The following PBX3 variants were observed in gnomAD, a reference collection of about 807,000 sequenced individuals.
PBX3 encodes the protein pre-B-cell leukemia transcription factor 3.
In PBX3, 14 loss-of-function variants were observed where a neutral mutation model predicts 48.5. The observed-to-expected ratio is 0.29, with a 90% CI of 0.19 to 0.45. The LOEUF (loss-of-function observed/expected upper bound fraction) is 0.45. Among genes scored for constraint, PBX3 ranks in the 20% least tolerant of loss-of-function variants. The probability of loss-of-function intolerance (pLI) is 1.00; values close to 1 mark genes in which losing one functional copy is unlikely to be tolerated. For missense variants in PBX3, 386 were observed against 546.7 expected, an observed-to-expected ratio of 0.71 and a Z score of 2.93; for synonymous variants, 210 against 200.3, an observed-to-expected ratio of 1.05 and a Z score of -0.41.
chr9:125,905,670 T>C (rs1841053618), intron 2 of PBX3, among the ~76,000 whole-genome samples: 1 of 152,060 alleles, frequency 6.6e-6, no homozygotes, highest in African/African-American at 2.4e-5. Flanking sequence ...AGTACACTTG[T>C]GAAAATTTAT....
chr9:125,796,732 A>G (rs1333546445), intron 2 of PBX3, among the ~76,000 whole-genome samples: 1 of 152,118 alleles, frequency 6.6e-6, no homozygotes. Flanking sequence ...TCTTAATTGT[A>G]TGTAATGCTG....
chr9:125,791,315 C>CTATCTATT (rs912050830), intron 2 of PBX3, among the ~76,000 whole-genome samples: 5 of 150,818 alleles, frequency 3.3e-5, no homozygotes, highest in Non-Finnish European at 7.4e-5. Context: ...ATCTATCTAT[C>CTATCTATT]TATCTATCTA....
At position 125,825,604 on chromosome 9, in the gene PBX3, T is replaced by C. The variant is rs930525577; in HGVS notation, c.274+76981T>C. On this transcript the variant is annotated intron_variant, in intron 2 of 8. Transcript: ENST00000373489. The stretch of plus-strand genomic sequence containing the variant: ...GTAGCCTGTTGTCAACTTCATTGTA[T>C]ACTCATGAACAAATTAGAGTTAAAA... 2.6e-5 allele frequency among the ~76,000 whole-genome samples: 4 copies of C among 152,140 alleles called. No homozygotes were observed. The South Asian group carries it at 8.3e-4, about 31-fold the overall frequency.
intron 2 of PBX3, among the ~76,000 whole-genome samples, chr9:125,874,695 T>A (rs1239361718): frequency 2.0e-5 from 3 of 152,180 alleles, no homozygotes; most frequent in Non-Finnish European, 4.4e-5. Context: ...TTCTAAGTGT[T>A]GGCAAGAATG....
chr9:125,786,028 C>T (rs897497286), intron 2 of PBX3, among the ~76,000 whole-genome samples: 3 of 149,674 alleles, frequency 2.0e-5, no homozygotes, highest in Admixed American at 1.3e-4. Context: ...TGATTCTGAT[C>T]GTTTTCTCTT....
intron 3 of PBX3, among the ~76,000 whole-genome samples, chr9:125,929,087 T>A (rs1375096897): frequency 6.6e-6 from 1 of 152,226 alleles, no homozygotes; most frequent in Non-Finnish European, 1.5e-5. Context: ...CTACCTATTG[T>A]TTAAAGCTCA....
chr9:125,872,634 C>A (rs764646518), intron 2 of PBX3, among the ~76,000 whole-genome samples: 1 of 151,898 alleles, frequency 6.6e-6, no homozygotes, highest in African/African-American at 2.4e-5. Context: ...GTGGCACACA[C>A]CTGTACTCCT....
chr9:125,803,923 CAA>C (rs1324970223), intron 2 of PBX3, among the ~76,000 whole-genome samples: 2 of 152,184 alleles, frequency 1.3e-5, no homozygotes, highest in African/African-American at 4.8e-5. Flanking sequence ...GGTTTGCTAG[CAA>C]AGTCAGTGTA....
intron 2 of PBX3, among the ~76,000 whole-genome samples, chr9:125,891,586 CGTT>C (rs1171555548): frequency 6.6e-6 from 1 of 152,200 alleles, no homozygotes; most frequent in African/African-American, 2.4e-5. Flanking sequence ...TCTCCTACTA[CGTT>C]GCTTGAACTC....
At chr9:125,895,693 G>A (rs1187994534) in intron 2 of PBX3, among the ~76,000 whole-genome samples, 1 of 151,970 alleles carries the variant, frequency 6.6e-6, no homozygotes, top group East Asian at 1.9e-4. Flanking sequence ...CATTAGAGCT[G>A]TACTTATTTG....
At chr9:125,916,127 A>G (rs1257135007) in intron 3 of PBX3, among the ~76,000 whole-genome samples, 200 bp downstream of exon 3, 2 of 152,142 alleles carry the variant, frequency 1.3e-5, no homozygotes, top group Non-Finnish European at 2.9e-5. Context: ...AGCGCTACCT[A>G]TTTTATCCCA....
At chr9:125,941,293 T>C (rs902855284) in intron 5 of PBX3, among the ~76,000 whole-genome samples, 2 of 152,078 alleles carry the variant, frequency 1.3e-5, no homozygotes, top group Non-Finnish European at 2.9e-5. Context: ...TAGTAGGAGA[T>C]GAAGTTAAAG....
chr9:125,841,483 T>G (rs1463287863), intron 2 of PBX3, among the ~76,000 whole-genome samples: 1 of 152,150 alleles, frequency 6.6e-6, no homozygotes, highest in Non-Finnish European at 1.5e-5. Context: ...ATGGCTAGAT[T>G]TTTATGTACG....
chr9:125,867,743 T>C (rs576463511), intron 2 of PBX3, among the ~76,000 whole-genome samples: 21 of 149,884 alleles, frequency 1.4e-4, no homozygotes, highest in Non-Finnish European at 2.9e-4. Flanking sequence ...TTTCTGTCTC[T>C]CTCTCTCTCT....
At chr9:125,795,800 G>A (rs113853822) in intron 2 of PBX3, among the ~76,000 whole-genome samples, 2,231 of 152,098 alleles carry the variant, frequency 0.015, 48 homozygotes, top group African/African-American at 0.051. Context: ...TTTAATACAC[G>A]AGGTCCCACA....
chr9:125,894,867 T>C (rs925980815), intron 2 of PBX3, among the ~76,000 whole-genome samples: 7 of 152,086 alleles, frequency 4.6e-5, no homozygotes, highest in African/African-American at 1.7e-4. Flanking sequence ...TTACTAGCTG[T>C]GAACATGCCG....
chr9:125,824,082 A>G (rs1838738162), intron 2 of PBX3, among the ~76,000 whole-genome samples: 3 of 152,096 alleles, frequency 2.0e-5, no homozygotes, highest in African/African-American at 2.4e-5. Context: ...TCTCAAAAAA[A>G]AAAAAAAAAT....
chr9:125,861,019 A>G (rs1387999291), intron 2 of PBX3, among the ~76,000 whole-genome samples: 1 of 150,660 alleles, frequency 6.6e-6, no homozygotes, highest in Non-Finnish European at 1.5e-5. Flanking sequence ...ATGGTGGCTC[A>G]TCATGCCTAT....
chr9:125,827,209 G>C (rs1312461868), intron 2 of PBX3, among the ~76,000 whole-genome samples: 1 of 152,150 alleles, frequency 6.6e-6, no homozygotes, highest in Middle Eastern at 3.2e-3. Flanking sequence ...TGGTAATTCT[G>C]AAGTAAAGAC....
Sources: gnomAD v4.1 joint callset for allele counts (sites outside exome capture counted in the v4.1 genomes callset) on GRCh38, gnomAD v4.1.1 for gene constraint, MANE v1.5 for transcripts, NCBI Gene and HGNC (gene_info 2026-07-23, HGNC 2026-07-21) for gene names.